HOXD9: variants seen among roughly 807,000 people sequenced by gnomAD.
The protein encoded by HOXD9 is homeobox protein Hox-D9.
In HOXD9, 21 loss-of-function variants were observed where a neutral mutation model predicts 24.6. The ratio of observed to expected loss-of-function variants is 0.85; its 90% CI spans 0.61 to 1.23. The LOEUF is 1.23. HOXD9 is among the 50% of genes most tolerant of loss of function. HOXD9 has a pLI of 0.00. For synonymous variants in HOXD9, 240 were observed against 226.4 expected, an observed-to-expected ratio of 1.06 and a Z score of -0.54; for missense variants, 503 against 503.6, an observed-to-expected ratio of 1.00 and a Z score of 0.01.
At position 176,123,209 on chromosome 2, in the gene HOXD9, T is replaced by A; in HGVS notation, c.441T>A (p.Pro147=). 1 of 1,366,932 alleles carries A rather than the reference T, an allele frequency of 7.3e-7. No individual in the cohort carries two copies. The allele number at this position is 1,366,932 out of a possible 1,614,324, so 84.7% of individuals were successfully genotyped here. The change falls in exon 1 of 2, where the codon CCT becomes CCA. Residue 147 remains proline (P), a synonymous_variant. Coordinates refer to ENST00000249499, the MANE Select transcript of HOXD9 (RefSeq NM_014213.4). The surrounding 1 kb of genome is among the most constrained non-coding windows in gnomAD (Gnocchi z 4.2). The part of the protein sequence containing the change: ...GGGGPGRGPS[P]GPSGPANGRH... ...GCGGTCCGGGCCGCGGTCCCAGCCC[T>A]GGCCCCAGCGGCCCAGCCAACGGGC...
In HOXD9 at chr2:176,123,300, T is replaced by A. The variant is rs973974359; in HGVS notation, c.532T>A (p.Ser178Thr). ...PAPATAASTT[S>T]SSSTSLSSSS... ...CCCCGCCACGGCCGCCTCCACCACC[T>A]CCTCCTCCTCCACTTCCTTATCCTC... Residue 178 changes from serine (S) to threonine (T), a missense_variant, in exon 1 of 2, where the codon TCC becomes ACC. Physicochemically the swap from Ser to Thr is moderately conservative, Grantham distance 58. Coordinates refer to ENST00000249499, the MANE Select transcript of HOXD9 (RefSeq NM_014213.4). This position sits in a 1 kb window ranked among gnomAD's most constrained non-coding sequence, Gnocchi z 4.2. The A allele has an allele frequency of 2.0e-6, 3 of 1,525,258 alleles. No individual in the cohort carries two copies. The highest frequency in any genetic ancestry group is 1.2e-5 in the South Asian group (1 of 81,584). 94.5% of individuals were successfully genotyped at this position (1,525,258 alleles called of 1,614,324 possible).
At position 176,123,297 on chromosome 2, in the gene HOXD9, ACCT is replaced by A. The variant is rs778980335; in HGVS notation, c.541_543del (p.Ser181del). ...GGCCCCCGCCACGGCCGCCTCCACC[ACCT>A]CCTCCTCCTCCACTTCCTTATCCTC... On this transcript the variant is annotated inframe_deletion, in exon 1 of 2. Transcript: ENST00000249499. This position sits in a 1 kb window ranked among gnomAD's most constrained non-coding sequence, Gnocchi z 4.2. 16 of 1,533,234 alleles carry A rather than the reference ACCT, an allele frequency of 1.0e-5. No individual in the cohort carries two copies. The highest frequency in any genetic ancestry group is 4.0e-5 in the Admixed American group (2 of 49,966). 95.0% of individuals were successfully genotyped at this position (1,533,234 alleles called of 1,614,324 possible).
chr2:176,123,289 C>T lies in HOXD9; in HGVS notation c.521C>T (p.Ala174Val), dbSNP rs759433381. The change falls in exon 1 of 2, where the codon GCC (alanine) becomes GTC (valine). Residue 174 changes from alanine to valine, a missense_variant. Physicochemically the swap from Ala to Val is moderately conservative, Grantham distance 64. Transcript: ENST00000249499. The surrounding 1 kb of genome is among the most constrained non-coding windows in gnomAD (Gnocchi z 4.2). ...GCGGCCCCGGCCCCCGCCACGGCCGCCTCCACCACCTCCTCCTCCTCCACT... is the reference window on the plus strand; with the variant it reads ...GCGGCCCCGGCCCCCGCCACGGCCGTCTCCACCACCTCCTCCTCCTCCACT... ...TRAAPAPATA[A>V]STTSSSSTSL... is the part of the protein sequence containing the mutation. 2.6e-6 allele frequency: 4 copies of T among 1,532,774 alleles called. No homozygotes were observed. The highest frequency in any genetic ancestry group is 2.4e-5 in the South Asian group (2 of 82,428). The allele number at this position is 1,532,774 out of a possible 1,614,324, so 94.9% of individuals were successfully genotyped here.
Position 176,124,292 on chromosome 2 carries a change from CT to C in HOXD9, c.*119del. 2 of 1,104,406 alleles carry C rather than the reference CT, an allele frequency of 1.8e-6. No individual in the cohort carries two copies. The highest frequency in any genetic ancestry group is 2.4e-6 in the Non-Finnish European group (2 of 831,830). 68.4% of individuals were successfully genotyped at this position (1,104,406 alleles called of 1,614,324 possible). A position where few individuals can be genotyped will look rare whatever the true frequency, so the allele number is the denominator to read the frequency against. On this transcript the variant is annotated 3_prime_UTR_variant, in exon 2 of 2. Transcript: ENST00000249499. ...AACTCTCCAGCGACTTGGACTTCTTCTTCTTTTTTTTTTTCTTTTTAGATAG... is the reference window on the plus strand; with the variant it reads ...AACTCTCCAGCGACTTGGACTTCTTCTCTTTTTTTTTTTCTTTTTAGATAG...
In HOXD9 at chr2:176,123,662, C is replaced by T; in HGVS notation, c.817+77C>T. The T allele has an allele frequency of 6.9e-7, 1 of 1,457,452 alleles. No individual in the cohort carries two copies. Among genetic ancestry groups the T allele is most frequent in the Non-Finnish European group, 9.1e-7 (1 of 1,102,600 alleles). The allele number at this position is 1,457,452 out of a possible 1,614,324, so 90.3% of individuals were successfully genotyped here. A position where few individuals can be genotyped will look rare whatever the true frequency, so the allele number is the denominator to read the frequency against. On this transcript the variant is annotated intron_variant, in intron 1 of 1. Transcript: ENST00000249499. The surrounding 1 kb of genome is among the most constrained non-coding windows in gnomAD (Gnocchi z 4.2). Reference sequence around the variant, plus strand: ...CGAATGTGCAAAACTGATAGTTTTACTAACCTATAAAAACGTCTAGACGCC... The same window carrying T: ...CGAATGTGCAAAACTGATAGTTTTATTAACCTATAAAAACGTCTAGACGCC...
Position 176,122,870 on chromosome 2 carries a change from C to T in HOXD9, c.102C>T (p.Phe34=), listed in dbSNP as rs1178374956. The change falls in exon 1 of 2, where the codon TTC becomes TTT. Residue 34 remains phenylalanine (F), a synonymous_variant. Coordinates refer to ENST00000249499, the MANE Select transcript of HOXD9 (RefSeq NM_014213.4). ...TAGGCCATGAGGGCGACGAGGTGTT[C>T]GCGGCGCGCTTCGGGCCGCCGGGGC... The part of the protein sequence containing the change: ...SLIGHEGDEV[F]AARFGPPGPG... 1 of 1,595,934 alleles carries T rather than the reference C, an allele frequency of 6.3e-7. No individual in the cohort carries two copies. The highest frequency in any genetic ancestry group is 8.5e-7 in the Non-Finnish European group (1 of 1,172,646).
chr2:176,123,149 G>A lies in HOXD9; in HGVS notation c.381G>A (p.Pro127=), dbSNP rs1419880395. The change falls in exon 1 of 2, where the codon CCG becomes CCA. Residue 127 remains proline (P), a synonymous_variant. Transcript: ENST00000249499. The surrounding 1 kb of genome is among the most constrained non-coding windows in gnomAD (Gnocchi z 4.2). ...RSWMEPLPGF[P]GGAGGGGGGG... is the part of the protein sequence containing the mutation. ...GGATGGAGCCGCTGCCCGGCTTCCC[G>A]GGCGGTGCGGGCGGTGGCGGTGGTG... 5.7e-6 allele frequency: 8 copies of A among 1,406,850 alleles called. No individual in the cohort carries two copies. The highest frequency in any genetic ancestry group is 7.4e-6 in the Non-Finnish European group (8 of 1,085,360). The allele number at this position is 1,406,850 out of a possible 1,614,324, so 87.1% of individuals were successfully genotyped here. A position where few individuals can be genotyped will look rare whatever the true frequency, so the allele number is the denominator to read the frequency against.
rs568475051 is a variant in HOXD9 at position 176,123,918 on chromosome 2, A to T, written c.818-16A>T. The T allele has an allele frequency of 1.8e-5, 29 of 1,600,820 alleles. No homozygotes were observed. The highest frequency in any genetic ancestry group is 2.4e-5 in the Non-Finnish European group (28 of 1,170,002). On this transcript the variant is annotated splice_polypyrimidine_tract_variant and intron_variant, in intron 1 of 1. Transcript: ENST00000249499. The surrounding 1 kb of genome is among the most constrained non-coding windows in gnomAD (Gnocchi z 4.2). ...TCCTCTCCTCTCTCCCCGTCTCCAA[A>T]CCTCCCTCTTTGTAGACAACCCCGC...
rs1689931889 is a variant in HOXD9, at chr2:176,124,182, G to A, written c.*7G>A. On this transcript the variant is annotated 3_prime_UTR_variant, in exon 2 of 2. Transcript: ENST00000249499. Reference sequence around the variant, plus strand: ...ATGCCCCAAAGGAGACTGACCCGGCGCGGTGCTGGCGGGAGCGCTCAAGGG... The same window carrying A: ...ATGCCCCAAAGGAGACTGACCCGGCACGGTGCTGGCGGGAGCGCTCAAGGG... 1.3e-6 allele frequency: 2 copies of A among 1,592,068 alleles called. No individual in the cohort carries two copies. The highest frequency in any genetic ancestry group is 1.7e-5 in the Admixed American group (1 of 58,804).
chr2:176,122,775 G>A lies in HOXD9; in HGVS notation c.7G>A (p.Gly3Ser). The part of the protein sequence containing the change: ML[G>S]GSAGRLKMSS... ...CTCGGCGGCGGACAGTGTAATGTTG[G>A]GTGGGAGTGCGGGACGCCTCAAAAT... is the stretch of plus-strand genomic sequence containing the variant. The change falls in exon 1 of 2, where the codon GGT becomes AGT. Residue 3 changes from glycine to serine, a missense_variant. Transcript: ENST00000249499. The A allele has an allele frequency of 1.3e-6, 2 of 1,513,916 alleles. No homozygotes were observed. The highest frequency in any genetic ancestry group is 1.8e-6 in the Non-Finnish European group (2 of 1,135,330). The allele number at this position is 1,513,916 out of a possible 1,614,324, so 93.8% of individuals were successfully genotyped here.
Position 176,124,292 on chromosome 2 carries a change from CTTCT to C in HOXD9, c.*120_*123del. On this transcript the variant is annotated 3_prime_UTR_variant, in exon 2 of 2. Coordinates refer to ENST00000249499, the MANE Select transcript of HOXD9 (RefSeq NM_014213.4). ...AACTCTCCAGCGACTTGGACTTCTT[CTTCT>C]TTTTTTTTTTCTTTTTAGATAGAAG... The C allele has an allele frequency of 6.3e-6, 7 of 1,104,310 alleles. No individual in the cohort carries two copies. The highest frequency in any genetic ancestry group is 3.1e-5 in the Admixed American group (1 of 32,338). The allele number at this position is 1,104,310 out of a possible 1,614,324, so 68.4% of individuals were successfully genotyped here.
In HOXD9 at chr2:176,123,448, G is replaced by C. The variant is rs1328952790; in HGVS notation, c.680G>C (p.Gly227Ala). 6.4e-7 allele frequency: 1 copy of C among 1,567,546 alleles called. No homozygotes were observed. The highest frequency in any genetic ancestry group is 1.4e-5 in the African/African-American group (1 of 73,618). Residue 227 changes from glycine to alanine, a missense_variant, in exon 1 of 2, where the codon GGG (glycine) becomes GCG (alanine). Gly to Ala is a moderately conservative substitution (Grantham distance 60, BLOSUM62 0). Transcript: ENST00000249499. The surrounding 1 kb of genome is among the most constrained non-coding windows in gnomAD (Gnocchi z 4.2). ...GCGGCGACGGGGGGAACCGGGCCTG[G>C]GGCAGGGATCGGGGCCGCGACTGGG... Reference protein sequence around the residue: ...AAAATGGTGPGAGIGAATGTG... With the variant: ...AAAATGGTGPAAGIGAATGTG...
In HOXD9 at chr2:176,123,235, G is replaced by T. The variant is rs1367040430; in HGVS notation, c.467G>T (p.Arg156Leu). ...GGCCCCAGCGGCCCAGCCAACGGGCGCCACTACGGGATTAAGCCTGAAACC... is the reference window on the plus strand; with the variant it reads ...GGCCCCAGCGGCCCAGCCAACGGGCTCCACTACGGGATTAAGCCTGAAACC... The part of the protein sequence containing the change: ...SPGPSGPANG[R>L]HYGIKPETRA... Residue 156 changes from arginine (R) to leucine (L), a missense_variant, in exon 1 of 2, where the codon CGC (arginine) becomes CTC (leucine). Coordinates refer to ENST00000249499, the MANE Select transcript of HOXD9 (RefSeq NM_014213.4). The surrounding 1 kb of genome is among the most constrained non-coding windows in gnomAD (Gnocchi z 4.2). 6.8e-7 allele frequency: 1 copy of T among 1,470,970 alleles called. No homozygotes were observed. Among genetic ancestry groups the T allele is most frequent in the Non-Finnish European group, 9.0e-7 (1 of 1,107,696 alleles). The allele number at this position is 1,470,970 out of a possible 1,614,324, so 91.1% of individuals were successfully genotyped here.
In HOXD9 at chr2:176,123,614, T is replaced by A; in HGVS notation, c.817+29T>A. On this transcript the variant is annotated intron_variant, in intron 1 of 1. Transcript: ENST00000249499. This position sits in a 1 kb window ranked among gnomAD's most constrained non-coding sequence, Gnocchi z 4.2. Reference sequence around the variant, plus strand: ...AGTGCAAAAGAAATTGCCCCCTGATTTATTGCTGAAACCTGTAAGGCTCGA... The same window carrying A: ...AGTGCAAAAGAAATTGCCCCCTGATATATTGCTGAAACCTGTAAGGCTCGA... 1.4e-6 allele frequency: 2 copies of A among 1,480,698 alleles called. No homozygotes were observed. The highest frequency in any genetic ancestry group is 1.8e-6 in the Non-Finnish European group (2 of 1,114,570). The allele number at this position is 1,480,698 out of a possible 1,614,324, so 91.7% of individuals were successfully genotyped here. A position where few individuals can be genotyped will look rare whatever the true frequency, so the allele number is the denominator to read the frequency against.
In HOXD9 at chr2:176,123,543, G is replaced by A; in HGVS notation, c.775G>A (p.Glu259Lys). 2.0e-6 allele frequency: 3 copies of A among 1,483,816 alleles called. No homozygotes were observed. The highest frequency in any genetic ancestry group is 2.7e-6 in the Non-Finnish European group (3 of 1,116,174). The allele number at this position is 1,483,816 out of a possible 1,614,324, so 91.9% of individuals were successfully genotyped here. A position where few individuals can be genotyped will look rare whatever the true frequency, so the allele number is the denominator to read the frequency against. ...CCCAGGCTGTTCGCTGAAGGAGGAG[G>A]AGAAGCAGCATTCGCAGCCGCAGCA... ...PIPGCSLKEE[E>K]KQHSQPQQQQ... Residue 259 changes from glutamate to lysine, a missense_variant, in exon 1 of 2, where the codon GAG (glutamate) becomes AAG (lysine). Coordinates refer to ENST00000249499, the MANE Select transcript of HOXD9 (RefSeq NM_014213.4). The surrounding 1 kb of genome is among the most constrained non-coding windows in gnomAD (Gnocchi z 4.2).
chr2:176,123,406 T>C lies in HOXD9; in HGVS notation c.638T>C (p.Leu213Pro). ...CCCGAGTTCTCGTGCAACTCGTTCC[T>C]GCAGGAGAAGGCGGCAGCGGCGACG... ...SGPEFSCNSF[L>P]QEKAAAATGG... Residue 213 changes from leucine to proline, a missense_variant, in exon 1 of 2, where the codon CTG (leucine) becomes CCG (proline). By Grantham distance (98) the Leu-to-Pro change is moderately conservative (BLOSUM62 -3). Coordinates refer to ENST00000249499, the MANE Select transcript of HOXD9 (RefSeq NM_014213.4). The surrounding 1 kb of genome is among the most constrained non-coding windows in gnomAD (Gnocchi z 4.2). The C allele has an allele frequency of 1.9e-6, 3 of 1,556,176 alleles. No individual in the cohort carries two copies. The highest frequency in any genetic ancestry group is 1.7e-4 in the Middle Eastern group (1 of 5,984).
chr2:176,123,323 C>A lies in HOXD9; in HGVS notation c.555C>A (p.Ser185=). The A allele has an allele frequency of 6.5e-7, 1 of 1,548,548 alleles. No homozygotes were observed. The highest frequency in any genetic ancestry group is 8.7e-7 in the Non-Finnish European group (1 of 1,145,950). The change falls in exon 1 of 2, where the codon TCC becomes TCA. Residue 185 remains serine (S), a synonymous_variant. Transcript: ENST00000249499. The surrounding 1 kb of genome is among the most constrained non-coding windows in gnomAD (Gnocchi z 4.2). ...STTSSSSTSL[S]SSSKRTECSV... Reference sequence around the variant, plus strand: ...CCTCCTCCTCCTCCACTTCCTTATCCTCCTCCTCCAAACGGACTGAGTGCT... The same window carrying A: ...CCTCCTCCTCCTCCACTTCCTTATCATCCTCCTCCAAACGGACTGAGTGCT...
rs770852926 is a variant in HOXD9 at position 176,122,933 on chromosome 2, C to G, written c.165C>G (p.Gly55=). 6.3e-7 allele frequency: 1 copy of G among 1,580,512 alleles called. No individual in the cohort carries two copies. The highest frequency in any genetic ancestry group is 8.6e-7 in the Non-Finnish European group (1 of 1,165,824). ...AQGRPAGVAD[G]PAATAAEFAS... ...GCCGGCCTGCAGGTGTGGCTGATGG[C>G]CCGGCCGCCACCGCCGCCGAGTTCG... Residue 55 remains glycine (G), a synonymous_variant, in exon 1 of 2, where the codon GGC becomes GGG. Coordinates refer to ENST00000249499, the MANE Select transcript of HOXD9 (RefSeq NM_014213.4).
chr2:176,124,122 C>G lies in HOXD9; in HGVS notation c.1006C>G (p.Arg336Gly). ...ERQVKIWFQN[R>G]RMKMKKMSKE... ...ACAGGTCAAAATCTGGTTTCAGAAC[C>G]GTAGGATGAAAATGAAAAAGATGAG... Residue 336 changes from arginine to glycine, a missense_variant, in exon 2 of 2, where the codon CGT becomes GGT. Coordinates refer to ENST00000249499, the MANE Select transcript of HOXD9 (RefSeq NM_014213.4). 2 of 1,613,820 alleles carry G rather than the reference C, an allele frequency of 1.2e-6. No individual in the cohort carries two copies.
Sources: allele counts gnomAD v4.1 joint callset, GRCh38; gene constraint gnomAD v4.1.1; non-coding constraint Gnocchi (gnomAD v3.1); transcripts MANE v1.5; gene names NCBI Gene and HGNC (gene_info 2026-07-23, HGNC 2026-07-21).